KLHL1: variants seen among roughly 807,000 people sequenced by gnomAD.
KLHL1 encodes the protein kelch like family member 1.
Under a neutral mutation model 77.7 loss-of-function variants are expected in KLHL1, and 47 were observed. That is an observed-to-expected ratio of 0.60 (90% CI 0.48 to 0.77). The LOEUF (loss-of-function observed/expected upper bound fraction) is 0.77, where lower values mean the gene tolerates loss of function less well. Ranked by LOEUF, KLHL1 falls within the 30% of genes least tolerant of loss-of-function variation. The pLI is 0.00. For missense variants in KLHL1, 925 were observed against 910.8 expected, an observed-to-expected ratio of 1.02 and a Z score of -0.20; for synonymous variants, 360 against 325.2, an observed-to-expected ratio of 1.11 and a Z score of -1.15.
chr13:69,928,638 T>A (rs970191196), intron 4 of KLHL1, among the ~76,000 whole-genome samples: 6 of 151,922 alleles, frequency 3.9e-5, no homozygotes, highest in South Asian at 2.1e-4. Flanking sequence ...AAATGAGTCT[T>A]GAGTATATTA....
chr13:69,855,374 A>G (rs1189934166), intron 5 of KLHL1, among the ~76,000 whole-genome samples: 2 of 151,618 alleles, frequency 1.3e-5, no homozygotes, highest in African/African-American at 2.4e-5. Flanking sequence ...ATAGAGAGAT[A>G]GATCTATAGA....
chr13:70,055,636 A>G (rs2137397697), intron 1 of KLHL1, among the ~76,000 whole-genome samples: 1 of 152,280 alleles, frequency 6.6e-6, no homozygotes, highest in East Asian at 1.9e-4. Flanking sequence ...ATAATAAGAC[A>G]TAAATGGAAA....
chr13:69,847,750 T>A (rs2113363), intron 5 of KLHL1, among the ~76,000 whole-genome samples: 1 of 151,402 alleles, frequency 6.6e-6, no homozygotes, highest in African/African-American at 2.4e-5. Flanking sequence ...AAAAATAAAC[T>A]CAGAATTTGA....
At chr13:69,859,566 C>T (rs1180247784) in intron 5 of KLHL1, among the ~76,000 whole-genome samples, 1 of 152,018 alleles carries the variant, frequency 6.6e-6, no homozygotes, top group African/African-American at 2.4e-5. Flanking sequence ...TCTGAGTCCT[C>T]AATATCCCTG....
intron 8 of KLHL1, among the ~76,000 whole-genome samples, chr13:69,721,314 C>A (rs897856886): frequency 6.7e-6 from 1 of 150,022 alleles, no homozygotes; most frequent in Non-Finnish European, 1.5e-5. Flanking sequence ...GTATATCTTA[C>A]ACATATTGAT....
intron 10 of KLHL1, among the ~76,000 whole-genome samples, chr13:69,702,406 AATTT>A (rs1457326324): frequency 6.6e-6 from 1 of 151,712 alleles, no homozygotes; most frequent in East Asian, 1.9e-4. Flanking sequence ...TTGTAATGAA[AATTT>A]ATTCTTTGGA....
chr13:69,930,564 T>C (rs976789784), intron 4 of KLHL1, among the ~76,000 whole-genome samples: 1 of 151,864 alleles, frequency 6.6e-6, no homozygotes, highest in Non-Finnish European at 1.5e-5. Context: ...TACAAAACTA[T>C]ATCAATGCAT....
Position 69,738,262 on chromosome 13 carries a change from A to C in KLHL1, c.1802+2132T>G, listed in dbSNP as rs767702009. On this transcript the variant is annotated intron_variant, in intron 8 of 10. Transcript: ENST00000377844. The stretch of plus-strand genomic sequence containing the variant: ...AACAGTCAGCAGCTTCAAAAATCAA[A>C]GGCAGATAAATCCATGAAGATGAGA... Among the ~76,000 whole-genome samples, 5 of 152,288 alleles carry C rather than the reference A, an allele frequency of 3.3e-5. No homozygotes were observed. In the South Asian group the frequency reaches 6.2e-4, roughly 19 times the overall value.
At chr13:70,093,739 A>G (rs918857433) in intron 1 of KLHL1, among the ~76,000 whole-genome samples, 5 of 152,148 alleles carry the variant, frequency 3.3e-5, no homozygotes, top group Non-Finnish European at 7.4e-5. Flanking sequence ...TGAACCAACT[A>G]CATCATATGT....
chr13:70,094,852 A>G (rs1322327525), intron 1 of KLHL1, among the ~76,000 whole-genome samples: 1 of 152,130 alleles, frequency 6.6e-6, no homozygotes, highest in Non-Finnish European at 1.5e-5. Flanking sequence ...TCCAGATAGG[A>G]TAAGAATCAT....
At chr13:69,880,374 C>A (rs991018725) in intron 5 of KLHL1, among the ~76,000 whole-genome samples, 3 of 152,056 alleles carry the variant, frequency 2.0e-5, no homozygotes, top group Non-Finnish European at 4.4e-5. Context: ...TCCTCCTGCA[C>A]ATCTGTTGTG....
chr13:69,972,415 T>C (rs1253147719), intron 2 of KLHL1, among the ~76,000 whole-genome samples: 1 of 151,960 alleles, frequency 6.6e-6, no homozygotes, highest in Non-Finnish European at 1.5e-5. Context: ...GTCTGTAGAA[T>C]AGGATACTTT....
rs1383825961 is a variant in KLHL1, at chr13:69,837,674, A to G, written c.1414+1302T>C. ...TATATATATGTGTGTGTGTGTGTATATATATATATATATACACATATATAT... is the reference window on the plus strand; with the variant it reads ...TATATATATGTGTGTGTGTGTGTATGTATATATATATATACACATATATAT... On this transcript the variant is annotated intron_variant, in intron 6 of 10. Coordinates refer to ENST00000377844, the MANE Select transcript of KLHL1 (RefSeq NM_020866.3). 5.2e-4 allele frequency among the ~76,000 whole-genome samples: 72 copies of G among 139,648 alleles called. 5 individuals carry two copies. The highest frequency in any genetic ancestry group is 2.0e-3 in the African/African-American group (70 of 34,458). 91.6% of individuals were successfully genotyped at this position (139,648 alleles called of 152,430 possible). A position where few individuals can be genotyped will look rare whatever the true frequency, so the allele number is the denominator to read the frequency against.
At chr13:70,036,443 A>C (rs1175218113) in intron 1 of KLHL1, among the ~76,000 whole-genome samples, 1 of 151,970 alleles carries the variant, frequency 6.6e-6, no homozygotes, top group Non-Finnish European at 1.5e-5. Context: ...TATAATAACT[A>C]TCCTGATTAG....
chr13:69,928,281 C>T (rs539808247), intron 4 of KLHL1, among the ~76,000 whole-genome samples: 53 of 152,236 alleles, frequency 3.5e-4, no homozygotes, highest in South Asian at 1.7e-3. Context: ...TGCAGTTTCC[C>T]GCCAATTGAC....
intron 1 of KLHL1, among the ~76,000 whole-genome samples, chr13:70,039,698 G>C (rs1886327421): frequency 7.1e-6 from 1 of 141,028 alleles, no homozygotes; most frequent in African/African-American, 2.7e-5. Context: ...AGAGAATAGT[G>C]GTGCCATCTC....
chr13:69,792,914 T>C (rs1876932540), intron 7 of KLHL1, among the ~76,000 whole-genome samples: 1 of 152,116 alleles, frequency 6.6e-6, no homozygotes, highest in African/African-American at 2.4e-5. Context: ...GGGTATAGGA[T>C]TTCTTTTCAG....
intron 8 of KLHL1, among the ~76,000 whole-genome samples, chr13:69,720,411 G>T (rs73522016): frequency 0.072 from 11,013 of 152,060 alleles, 480 homozygotes; most frequent in Non-Finnish European, 0.089. Context: ...AATGGTTAGG[G>T]TGTGTCACAC....
At chr13:69,823,176 GGTTAA>G (rs150056055) in intron 6 of KLHL1, among the ~76,000 whole-genome samples, 7,347 of 152,076 alleles carry the variant, frequency 0.048, 244 homozygotes, top group Admixed American at 0.071. Flanking sequence ...ATCAGCATTT[GGTTAA>G]GTTGTTAACT....
Sources: allele counts gnomAD v4.1 joint callset (sites outside exome capture counted in the v4.1 genomes callset), GRCh38; gene constraint gnomAD v4.1.1; transcripts MANE v1.5; gene names NCBI Gene and HGNC (gene_info 2026-07-23, HGNC 2026-07-21).